SYNE2: variants seen among roughly 807,000 people sequenced by gnomAD.
SYNE2 encodes spectrin repeat containing nuclear envelope protein 2.
A neutral mutation model predicts 856.3 loss-of-function variants in SYNE2; 431 were observed. The ratio of observed to expected loss-of-function variants is 0.50; its 90% CI spans 0.47 to 0.55. The LOEUF (loss-of-function observed/expected upper bound fraction) is 0.55, where lower values mean the gene tolerates loss of function less well. SYNE2 is among the 20% of genes least tolerant of loss of function. The pLI is 0.00. For synonymous variants in SYNE2, 2,923 were observed against 2,872.3 expected, an observed-to-expected ratio of 1.02 and a Z score of -0.56; for missense variants, 8,129 against 8,023.2, an observed-to-expected ratio of 1.01 and a Z score of -0.50.
intron 63 of SYNE2, among the ~76,000 whole-genome samples, chr14:64,100,559 T>TAGATATATAGATATATAG (rs2097719515): frequency 1.5e-5 from 2 of 129,570 alleles, no homozygotes; most frequent in Admixed American, 1.6e-4. Flanking sequence ...TATATATATA[T>TAGATATATAGATATATAG]ATATATATAT....
chr14:63,992,822 C>T (rs550003792), intron 21 of SYNE2, among the ~76,000 whole-genome samples: 9 of 152,176 alleles, frequency 5.9e-5, no homozygotes, highest in Non-Finnish European at 1.3e-4. Flanking sequence ...TCTAGCAGTC[C>T]TCAAGGAGGC....
intron 99 of SYNE2, among the ~76,000 whole-genome samples, chr14:64,200,589 A>T (rs143266937): frequency 6.6e-6 from 1 of 152,354 alleles, no homozygotes; most frequent in East Asian, 1.9e-4. Context: ...TTACAGCTGT[A>T]TCCAGGCCTG....
intron 1 of SYNE2, among the ~76,000 whole-genome samples, chr14:63,775,591 T>C (rs1887080006): frequency 6.6e-6 from 1 of 152,094 alleles, no homozygotes; most frequent in East Asian, 1.9e-4. Flanking sequence ...TATTTATTAC[T>C]ATTTTTTGAG....
chr14:63,817,642 A>T (rs963105992), intron 1 of SYNE2, among the ~76,000 whole-genome samples: 1 of 152,212 alleles, frequency 6.6e-6, no homozygotes, highest in Non-Finnish European at 1.5e-5. Flanking sequence ...TAACATATTA[A>T]CAAGACTAAA....
chr14:64,147,904 A>G (rs2098201543), intron 84 of SYNE2, among the ~76,000 whole-genome samples: 1 of 152,248 alleles, frequency 6.6e-6, no homozygotes, highest in Admixed American at 6.5e-5. Flanking sequence ...CAGTTCTTAT[A>G]GCCGTTCAAG....
At chr14:63,782,563 T>A (rs1209096696) in intron 1 of SYNE2, among the ~76,000 whole-genome samples, 1 of 151,686 alleles carries the variant, frequency 6.6e-6, no homozygotes, top group Non-Finnish European at 1.5e-5. Flanking sequence ...TCCAGGCAAT[T>A]TGATCATCAA....
At chr14:63,834,150 T>C (rs746936528) in intron 1 of SYNE2, among the ~76,000 whole-genome samples, 8 of 152,332 alleles carry the variant, frequency 5.3e-5, no homozygotes, top group South Asian at 2.1e-4. Context: ...CTGAGTTTCT[T>C]AATTTAATAT....
At chr14:64,202,136 A>C in intron 99 of SYNE2, 2 of 698,430 alleles carry the variant, frequency 2.9e-6, no homozygotes, top group South Asian at 3.0e-5. Context: ...GAGGGAGATC[A>C]CATTTAGAAC....
At position 64,150,907 on chromosome 14, in the gene SYNE2, G is replaced by A. The variant is rs932508949; in HGVS notation, c.15640-1657G>A. Among the ~76,000 whole-genome samples the A allele has an allele frequency of 9.9e-5, 15 of 152,122 alleles. 1 individual carries two copies. Among genetic ancestry groups the A allele is most frequent in the African/African-American group, 3.1e-4 (13 of 41,432 alleles). On this transcript the variant is annotated intron_variant, in intron 84 of 115. Transcript: ENST00000555002. Reference sequence around the variant, plus strand: ...TGGCAAAGGCTATTTCAGAGAAGTCGTTTTGTTTCCTGGGTGCCTTTGTAA... The same window carrying A: ...TGGCAAAGGCTATTTCAGAGAAGTCATTTTGTTTCCTGGGTGCCTTTGTAA...
intron 2 of SYNE2, among the ~76,000 whole-genome samples, chr14:63,938,873 C>T (rs910602453): frequency 6.6e-6 from 1 of 152,048 alleles, no homozygotes; most frequent in African/African-American, 2.4e-5. Flanking sequence ...GGGGGATATG[C>T]AGAGTCTTAA....
At chr14:64,044,468 A>T (rs918814872) in intron 45 of SYNE2, among the ~76,000 whole-genome samples, 3 of 152,120 alleles carry the variant, frequency 2.0e-5, no homozygotes, top group African/African-American at 7.2e-5. Context: ...TTGGGTTAAT[A>T]TTGAAATGGG....
At chr14:64,111,126 G>A (rs2097802814) in intron 65 of SYNE2, among the ~76,000 whole-genome samples, 1 of 151,574 alleles carries the variant, frequency 6.6e-6, no homozygotes, top group South Asian at 2.1e-4. Context: ...AGCACTTTGA[G>A]AGGCCGAGGC....
rs749717481 is a variant in SYNE2, at chr14:64,091,018, T to C, written c.11946T>C (p.Asn3982=). The C allele has an allele frequency of 3.5e-5, 57 of 1,613,932 alleles. No individual in the cohort carries two copies. The highest frequency in any genetic ancestry group is 4.7e-5 in the Non-Finnish European group (56 of 1,179,970). Residue 3982 remains asparagine, a synonymous_variant, in exon 60 of 116, where the codon AAT becomes AAC. Coordinates refer to ENST00000555002, the MANE Select transcript of SYNE2 (RefSeq NM_182914.3). Reference sequence around the variant, plus strand: ...TACAAGATATAAAACTATTGGAAAATGTGACTCAAGAACAAAATGAGTTAT... The same window carrying C: ...TACAAGATATAAAACTATTGGAAAACGTGACTCAAGAACAAAATGAGTTAT... ...QLLQDIKLLE[N]VTQEQNELLK...
Position 64,212,048 on chromosome 14 carries a change from G to A in SYNE2, c.18811G>A (p.Val6271Met), listed in dbSNP as rs758990007. ...AGAGATGGACCTGCAGCTGACCAACGTGGAGCACTTCTCAGAGAGTGACGC... is the reference window on the plus strand; with the variant it reads ...AGAGATGGACCTGCAGCTGACCAACATGGAGCACTTCTCAGAGAGTGACGC... ...LTEMDLQLTN[V>M]EHFSESDADD... is the part of the protein sequence containing the mutation. Residue 6271 changes from valine to methionine, a missense_variant, in exon 104 of 116, where the codon GTG becomes ATG. Physicochemically the swap from Val to Met is conservative, Grantham distance 21. Coordinates refer to ENST00000555002, the MANE Select transcript of SYNE2 (RefSeq NM_182914.3). The A allele has an allele frequency of 2.5e-6, 4 of 1,614,176 alleles. No individual in the cohort carries two copies. Among genetic ancestry groups the A allele is most frequent in the Non-Finnish European group, 2.5e-6 (3 of 1,180,020 alleles).
chr14:64,112,652 TAACTC>T (rs1197266085), intron 65 of SYNE2, among the ~76,000 whole-genome samples: 3 of 152,238 alleles, frequency 2.0e-5, no homozygotes, highest in African/African-American at 7.2e-5. Context: ...ATCTAGTCCT[TAACTC>T]AATCATATTC....
At chr14:64,035,124 T>G (rs1047884511) in intron 45 of SYNE2, among the ~76,000 whole-genome samples, 1 of 151,970 alleles carries the variant, frequency 6.6e-6, no homozygotes, top group African/African-American at 2.4e-5. Flanking sequence ...TGAATTGATT[T>G]TGTTCTTTTC....
chr14:63,856,368 G>A (rs930275237), intron 1 of SYNE2, among the ~76,000 whole-genome samples: 3 of 152,136 alleles, frequency 2.0e-5, no homozygotes, highest in African/African-American at 4.8e-5. Context: ...AGACTCTAAC[G>A]AACCTGTATC....
At chr14:64,215,253 T>G (rs1469096877) in intron 106 of SYNE2, 33 bp from the exon 107 acceptor site, 2 of 1,604,524 alleles carry the variant, frequency 1.2e-6, no homozygotes, top group African/African-American at 2.7e-5. Flanking sequence ...TTCAGGCACC[T>G]CCAGTGAGGC....
intron 61 of SYNE2, among the ~76,000 whole-genome samples, chr14:64,096,731 A>G (rs1595491276): frequency 6.6e-6 from 1 of 152,202 alleles, no homozygotes; most frequent in South Asian, 2.1e-4. Context: ...GCTGTGTGCT[A>G]GTTGCAGCTT....
Sources: allele counts gnomAD v4.1 joint callset (sites outside exome capture counted in the v4.1 genomes callset), GRCh38; gene constraint gnomAD v4.1.1; transcripts MANE v1.5; gene names NCBI Gene and HGNC (gene_info 2026-07-23, HGNC 2026-07-21).